The following ANO4 variants were observed in gnomAD, a reference collection of about 807,000 sequenced individuals.
ANO4 encodes the protein anoctamin 4, also known as anoctamin-4.
A neutral mutation model predicts 141.9 loss-of-function variants in ANO4; 69 were observed. The observed-to-expected ratio is 0.49, with a 90% CI of 0.40 to 0.59. The LOEUF (loss-of-function observed/expected upper bound fraction) is 0.59. Ranked by LOEUF, ANO4 falls within the 20% of genes least tolerant of loss-of-function variation. The pLI is 0.00. For missense variants in ANO4, 894 were observed against 1,162.2 expected, an observed-to-expected ratio of 0.77 and a Z score of 3.36; for synonymous variants, 350 against 394.3, an observed-to-expected ratio of 0.89 and a Z score of 1.33.
intron 1 of ANO4, among the ~76,000 whole-genome samples, chr12:100,878,586 G>A (rs2039424418): frequency 1.3e-5 from 2 of 152,156 alleles, no homozygotes; most frequent in Admixed American, 1.3e-4. Flanking sequence ...ACTGAGTTGA[G>A]TCTTCCTCTA....
intron 5 of ANO4, among the ~76,000 whole-genome samples, chr12:100,943,828 G>T (rs1477914332): frequency 2.0e-5 from 3 of 152,124 alleles, no homozygotes; most frequent in African/African-American, 7.2e-5. Flanking sequence ...TCAGACAATT[G>T]CATTTTTTTC....
chr12:101,070,767 C>A (rs952519349), intron 14 of ANO4, among the ~76,000 whole-genome samples: 2 of 152,114 alleles, frequency 1.3e-5, no homozygotes, highest in South Asian at 4.1e-4. Context: ...GTAAACTATC[C>A]GTCTGATAAG....
intron 14 of ANO4, among the ~76,000 whole-genome samples, chr12:101,050,340 G>A (rs1239229882): frequency 6.6e-6 from 1 of 152,148 alleles, no homozygotes; most frequent in East Asian, 1.9e-4. Flanking sequence ...ATTTTTTCCT[G>A]TAGGATTCCT....
At chr12:100,738,630 G>T (rs1404773014) in intron 2 of ANO4, among the ~76,000 whole-genome samples, 2 of 151,814 alleles carry the variant, frequency 1.3e-5, no homozygotes, top group Non-Finnish European at 2.9e-5. Context: ...TTTGGAAAAA[G>T]AACATATATT....
intron 8 of ANO4, among the ~76,000 whole-genome samples, chr12:100,998,379 TTATCTATC>T (rs5800449): frequency 0.011 from 1,645 of 148,868 alleles, 23 homozygotes; most frequent in African/African-American, 0.033. Context: ...AAACTCCCCT[TTATCTATC>T]TATCTATCTA....
intron 1 of ANO4, among the ~76,000 whole-genome samples, chr12:100,801,309 C>T (rs1043678097): frequency 4.6e-5 from 7 of 152,046 alleles, no homozygotes; most frequent in Non-Finnish European, 7.4e-5. Context: ...TTTTTCAAAC[C>T]AATGTGACTA....
At chr12:100,933,908 A>C (rs543712164) in intron 3 of ANO4, among the ~76,000 whole-genome samples, 1 of 152,240 alleles carries the variant, frequency 6.6e-6, no homozygotes, top group Non-Finnish European at 1.5e-5. Flanking sequence ...TCTTTTGAGA[A>C]GTGTCTGTTC....
chr12:100,836,343 A>G (rs2036910711), intron 1 of ANO4, among the ~76,000 whole-genome samples: 1 of 152,010 alleles, frequency 6.6e-6, no homozygotes, highest in Non-Finnish European at 1.5e-5. Context: ...GTCTTTTTAT[A>G]TATATATTTT....
chr12:100,865,283 A>G (rs986600210), intron 1 of ANO4, among the ~76,000 whole-genome samples: 1 of 152,164 alleles, frequency 6.6e-6, no homozygotes, highest in African/African-American at 2.4e-5. Flanking sequence ...CCGAAAAGCA[A>G]TGACAACAAA....
At chr12:101,075,913 C>T (rs966540070) in intron 14 of ANO4, among the ~76,000 whole-genome samples, 1 of 151,810 alleles carries the variant, frequency 6.6e-6, no homozygotes, top group African/African-American at 2.4e-5. Context: ...TGGAACTTTG[C>T]CTTGAAAAGA....
At chr12:100,835,413 C>T (rs1343362794) in intron 1 of ANO4, among the ~76,000 whole-genome samples, 2 of 152,096 alleles carry the variant, frequency 1.3e-5, no homozygotes, top group African/African-American at 4.8e-5. Context: ...AGGAAAGCCA[C>T]AGACGGTTGA....
intron 1 of ANO4, among the ~76,000 whole-genome samples, chr12:100,819,996 G>A (rs1056477192): frequency 6.6e-6 from 1 of 151,996 alleles, no homozygotes; most frequent in South Asian, 2.1e-4. Flanking sequence ...GGCATGTAGA[G>A]TCTCTAAGTA....
chr12:100,832,195 T>C (rs1224022136), intron 1 of ANO4, among the ~76,000 whole-genome samples: 1 of 151,800 alleles, frequency 6.6e-6, no homozygotes, highest in Non-Finnish European at 1.5e-5. Context: ...TCTGGAAGAG[T>C]CTACCTGTCA....
chr12:100,979,430 T>G (rs781210648), intron 7 of ANO4, among the ~76,000 whole-genome samples: 26 of 152,112 alleles, frequency 1.7e-4, no homozygotes, highest in Non-Finnish European at 3.1e-4. Context: ...TGTGCTGATG[T>G]TACTGATCCT....
rs547842308 is a variant in ANO4, at chr12:100,957,716, G to A, written c.457-13590G>A. On this transcript the variant is annotated intron_variant, in intron 5 of 27. Coordinates refer to ENST00000392977, the MANE Select transcript of ANO4 (RefSeq NM_001286615.2). ...AGCGATTCTCACACCTCAGCCTCCT[G>A]AGTAGCTGGGATTACAGGCGTACAC... Among the ~76,000 whole-genome samples, 287 of 152,278 alleles carry A rather than the reference G, an allele frequency of 1.9e-3. 3 individuals are homozygous for A. Among genetic ancestry groups the A allele is most frequent in the African/African-American group, 6.7e-3 (278 of 41,564 alleles).
Position 100,797,130 on chromosome 12 carries a change from G to A in ANO4, c.-141+2103G>A, listed in dbSNP as rs566266673. 1.9e-3 allele frequency among the ~76,000 whole-genome samples: 278 copies of A among 149,308 alleles called. 1 individual carries two copies. The highest frequency in any genetic ancestry group is 5.8e-3 in the African/African-American group (234 of 40,624). ...TGCAATTGTTTATATATATGTGTGT[G>A]TATATATATATATATACACACATAT... On this transcript the variant is annotated intron_variant, in intron 1 of 27. Coordinates refer to ENST00000392977, the MANE Select transcript of ANO4 (RefSeq NM_001286615.2).
At chr12:101,127,387 G>A (rs1318306638) in intron 27 of ANO4, among the ~76,000 whole-genome samples, 1 of 152,044 alleles carries the variant, frequency 6.6e-6, no homozygotes, top group South Asian at 2.1e-4. Flanking sequence ...CAGCCGGGCT[G>A]TTTTCTTTAA....
At chr12:101,045,272 CAA>C (rs1358328517) in intron 13 of ANO4, among the ~76,000 whole-genome samples, 1 of 152,154 alleles carries the variant, frequency 6.6e-6, no homozygotes, top group African/African-American at 2.4e-5. Context: ...TTCAGAGACT[CAA>C]AGAGGTAAAA....
intron 2 of ANO4, among the ~76,000 whole-genome samples, chr12:100,909,138 A>G (rs946029127): frequency 2.0e-5 from 3 of 152,230 alleles, no homozygotes; most frequent in Non-Finnish European, 4.4e-5. Context: ...AAACCTAAAG[A>G]GCCAGCCTTG....
Sources: gnomAD v4.1 joint callset for allele counts (sites outside exome capture counted in the v4.1 genomes callset) on GRCh38, gnomAD v4.1.1 for gene constraint, MANE v1.5 for transcripts, NCBI Gene and HGNC (gene_info 2026-07-23, HGNC 2026-07-21) for gene names.